Variants in MAGI1 observed in about 807,000 individuals in gnomAD.
MAGI1 encodes the protein membrane associated guanylate kinase, WW and PDZ domain containing 1.
MAGI1 carries 58 observed loss-of-function variants against 139.9 expected under a neutral mutation model. The ratio of observed to expected loss-of-function variants is 0.41; its 90% CI spans 0.34 to 0.52. The LOEUF is 0.52. Ranked by LOEUF, MAGI1 falls within the 20% of genes least tolerant of loss-of-function variation. MAGI1 has a pLI of 0.12. For missense variants in MAGI1, 1,874 were observed against 1,901.6 expected, an observed-to-expected ratio of 0.99 and a Z score of 0.27; for synonymous variants, 812 against 737.9, an observed-to-expected ratio of 1.10 and a Z score of -1.63.
chr3:65,791,997 C>A lies in MAGI1; in HGVS notation c.314-169909G>T, dbSNP rs575395641. Among the ~76,000 whole-genome samples the A allele has an allele frequency of 6.6e-5, 10 of 152,128 alleles. No individual in the cohort carries two copies. The East Asian group carries it at 1.7e-3, about 26-fold the overall frequency. Reference sequence around the variant, plus strand: ...AAGAACCCCAGTGAATGCCTGAAACCATGAATAATACCCAAGTCTACGTAT... The same window carrying A: ...AAGAACCCCAGTGAATGCCTGAAACAATGAATAATACCCAAGTCTACGTAT... On this transcript the variant is annotated intron_variant, in intron 1 of 22. Coordinates refer to ENST00000402939, the MANE Select transcript of MAGI1 (RefSeq NM_001033057.2).
At chr3:65,456,377 A>G (rs558023317) in intron 5 of MAGI1, among the ~76,000 whole-genome samples, 1 of 150,862 alleles carries the variant, frequency 6.6e-6, no homozygotes, top group Admixed American at 6.6e-5. Context: ...GAATGGTTTG[A>G]TATTTTTTTT....
In MAGI1 at chr3:65,587,479, CTTT is replaced by C. The variant is rs755825684; in HGVS notation, c.430+34490_430+34492del. Among the ~76,000 whole-genome samples, 361 of 109,478 alleles carry C rather than the reference CTTT, an allele frequency of 3.3e-3. 2 individuals are homozygous for C. Among genetic ancestry groups the C allele is most frequent in the African/African-American group, 0.013 (334 of 25,742 alleles). 71.8% of individuals were successfully genotyped at this position (109,478 alleles called of 152,430 possible). On this transcript the variant is annotated intron_variant, in intron 2 of 22. Coordinates refer to ENST00000402939, the MANE Select transcript of MAGI1 (RefSeq NM_001033057.2). ...CATTTTATTTTATTATTACTTTTTT[CTTT>C]TTTTTTTTTTTTTTTTTTTGAGACA...
intron 1 of MAGI1, among the ~76,000 whole-genome samples, chr3:65,955,584 A>C (rs1402383454): frequency 5.3e-5 from 8 of 152,224 alleles, no homozygotes. Context: ...CATGATGAAT[A>C]TCGCTGCTAG....
intron 18 of MAGI1, among the ~76,000 whole-genome samples, chr3:65,369,733 T>A (rs1444859284): frequency 6.6e-6 from 1 of 152,102 alleles, no homozygotes; most frequent in Non-Finnish European, 1.5e-5. Flanking sequence ...GGTCTTGAAC[T>A]CCTGAGCTCA....
At chr3:65,783,433 A>C (rs1428350458) in intron 1 of MAGI1, among the ~76,000 whole-genome samples, 1 of 152,120 alleles carries the variant, frequency 6.6e-6, no homozygotes, top group Non-Finnish European at 1.5e-5. Context: ...GGATTGTTTG[A>C]GGCCAGGAGA....
At chr3:65,367,128 C>A (rs1941499361) in intron 18 of MAGI1, among the ~76,000 whole-genome samples, 1 of 152,092 alleles carries the variant, frequency 6.6e-6, no homozygotes, top group African/African-American at 2.4e-5. Context: ...CAGAAATCAC[C>A]AGGTTGTTCA....
At chr3:65,567,004 C>T (rs1449430028) in intron 2 of MAGI1, among the ~76,000 whole-genome samples, 1 of 151,594 alleles carries the variant, frequency 6.6e-6, no homozygotes, top group Non-Finnish European at 1.5e-5. Context: ...TTCCTGCTCC[C>T]TGCTCCCTCC....
intron 2 of MAGI1, among the ~76,000 whole-genome samples, chr3:65,595,889 T>A (rs1422657915): frequency 7.9e-5 from 12 of 152,124 alleles, no homozygotes; most frequent in Non-Finnish European, 1.6e-4. Context: ...CCCATCCCCT[T>A]TCCCAAAGCC....
At chr3:65,956,083 C>T (rs1240605106) in intron 1 of MAGI1, among the ~76,000 whole-genome samples, 1 of 152,082 alleles carries the variant, frequency 6.6e-6, no homozygotes, top group African/African-American at 2.4e-5. Flanking sequence ...CAAGGCAGTT[C>T]CAGAAAGGAT....
intron 2 of MAGI1, among the ~76,000 whole-genome samples, chr3:65,593,233 A>G (rs1440304942): frequency 6.6e-6 from 1 of 152,168 alleles, no homozygotes; most frequent in African/African-American, 2.4e-5. Context: ...TCTCTTTGGC[A>G]TGACTCCACA....
At chr3:65,523,037 C>G (rs1343607538) in intron 2 of MAGI1, among the ~76,000 whole-genome samples, 1 of 151,990 alleles carries the variant, frequency 6.6e-6, no homozygotes, top group African/African-American at 2.4e-5. Context: ...TTAGAATATC[C>G]CACTCTCCAT....
rs1309057985 is a variant in MAGI1 at position 65,611,090 on chromosome 3, A to ATATATAATATATAGTATATTATATACG, written c.430+10855_430+10881dup. 3.4e-4 allele frequency among the ~76,000 whole-genome samples: 47 copies of ATATATAATATATAGTATATTATATACG among 137,870 alleles called. No homozygotes were observed. In the East Asian group the frequency reaches 6.1e-3, roughly 18 times the overall value. The allele number at this position is 137,870 out of a possible 152,430, so 90.4% of individuals were successfully genotyped here. A position where few individuals can be genotyped will look rare whatever the true frequency, so the allele number is the denominator to read the frequency against. On this transcript the variant is annotated intron_variant, in intron 2 of 22. Coordinates refer to ENST00000402939, the MANE Select transcript of MAGI1 (RefSeq NM_001033057.2). Reference sequence around the variant, plus strand: ...AGTGTATAGTATATGTACTATATACATATATAATATATAGTATATTATATA... The same window carrying ATATATAATATATAGTATATTATATACG: ...AGTGTATAGTATATGTACTATATACATATATAATATATAGTATATTATATACGTATATAATATATAGTATATTATATA...
chr3:65,454,576 A>G (rs1009864705), intron 5 of MAGI1, among the ~76,000 whole-genome samples: 8 of 145,688 alleles, frequency 5.5e-5, no homozygotes, highest in African/African-American at 2.1e-4. Context: ...TTGTTTTACA[A>G]AAAAAAAAGA....
chr3:65,988,783 C>T (rs1185259577), intron 1 of MAGI1, among the ~76,000 whole-genome samples: 3 of 152,198 alleles, frequency 2.0e-5, no homozygotes, highest in Non-Finnish European at 4.4e-5. Flanking sequence ...AATTATCACA[C>T]CTAATATGAA....
intron 1 of MAGI1, among the ~76,000 whole-genome samples, chr3:65,714,053 C>G (rs1311339339): frequency 6.6e-6 from 1 of 152,198 alleles, no homozygotes; most frequent in Non-Finnish European, 1.5e-5. Flanking sequence ...TGCTTGAACT[C>G]TTTAAGTCTT....
chr3:65,357,645 G>GA (rs1205153898), intron 22 of MAGI1, among the ~76,000 whole-genome samples: 1 of 152,064 alleles, frequency 6.6e-6, no homozygotes, highest in Non-Finnish European at 1.5e-5. Flanking sequence ...AGCAGGGCAG[G>GA]AATCATCTAC....
At chr3:65,636,727 C>G (rs1379596514) in intron 1 of MAGI1, among the ~76,000 whole-genome samples, 2 of 147,314 alleles carry the variant, frequency 1.4e-5, no homozygotes, top group South Asian at 2.1e-4. Context: ...CACACACATA[C>G]ACACACACAC....
intron 5 of MAGI1, among the ~76,000 whole-genome samples, chr3:65,463,152 G>A (rs552994268): frequency 9.9e-5 from 15 of 151,492 alleles, no homozygotes; most frequent in Admixed American, 2.6e-4. Flanking sequence ...ACTTCCAGGT[G>A]GTAAGAGAGG....
chr3:65,746,601 C>G (rs1056247380), intron 1 of MAGI1, among the ~76,000 whole-genome samples: 2 of 152,098 alleles, frequency 1.3e-5, no homozygotes, highest in Non-Finnish European at 2.9e-5. Context: ...CCGTCCTCTT[C>G]TTGGGTATCT....
Sources: allele counts gnomAD v4.1 joint callset (sites outside exome capture counted in the v4.1 genomes callset), GRCh38; gene constraint gnomAD v4.1.1; transcripts MANE v1.5; gene names NCBI Gene and HGNC (gene_info 2026-07-23, HGNC 2026-07-21).